Variants in ITGA9 observed in about 807,000 individuals in gnomAD.
ITGA9 encodes the protein integrin subunit alpha 9, also known as integrin alpha-9.
Under a neutral mutation model 127.8 loss-of-function variants are expected in ITGA9, and 56 were observed. That is an observed-to-expected ratio of 0.44 (90% CI 0.35 to 0.55). The LOEUF (loss-of-function observed/expected upper bound fraction) is 0.55. ITGA9 is among the 20% of genes least tolerant of loss of function. The probability of loss-of-function intolerance (pLI) is 0.00; values close to 1 mark genes in which losing one functional copy is unlikely to be tolerated. For synonymous variants in ITGA9, 508 were observed against 514.5 expected, an observed-to-expected ratio of 0.99 and a Z score of 0.17; for missense variants, 1,196 against 1,347.1, an observed-to-expected ratio of 0.89 and a Z score of 1.76.
chr3:37,684,755 C>T (rs1258039573), intron 18 of ITGA9, among the ~76,000 whole-genome samples: 1 of 152,232 alleles, frequency 6.6e-6, no homozygotes, highest in Non-Finnish European at 1.5e-5. Context: ...AGGTGTGACC[C>T]ACCGCCCCTG....
At chr3:37,511,671 C>G (rs530112) in intron 8 of ITGA9, among the ~76,000 whole-genome samples, 4 of 152,014 alleles carry the variant, frequency 2.6e-5, no homozygotes, top group African/African-American at 9.7e-5. Context: ...TCCTCACCCT[C>G]TGTGATTTCA....
In ITGA9 at chr3:37,513,770, C is replaced by T; in HGVS notation, c.905C>T (p.Ser302Phe). The change falls in exon 9 of 28, where the codon TCT becomes TTT. Residue 302 changes from serine (S) to phenylalanine (F), a missense_variant. Coordinates refer to ENST00000264741, the MANE Select transcript of ITGA9 (RefSeq NM_002207.3). ...AACTCAACTTGGTTGCAGATGGGCTCTTACTTCGGCTCCTCCTTGTGCGCA... is the reference window on the plus strand; with the variant it reads ...AACTCAACTTGGTTGCAGATGGGCTTTTACTTCGGCTCCTCCTTGTGCGCA... ...IFQASGKKMG[S>F]YFGSSLCAVD... 1.2e-6 allele frequency: 2 copies of T among 1,614,098 alleles called. No individual in the cohort carries two copies. The highest frequency in any genetic ancestry group is 1.7e-6 in the Non-Finnish European group (2 of 1,180,024).
intron 19 of ITGA9, among the ~76,000 whole-genome samples, chr3:37,734,771 C>T (rs545693902): frequency 4.7e-4 from 71 of 152,298 alleles, no homozygotes; most frequent in African/African-American, 1.6e-3. Context: ...GGATTACAGG[C>T]GTGAGCCACC....
intron 8 of ITGA9, among the ~76,000 whole-genome samples, chr3:37,512,363 G>A (rs1020174230): frequency 6.6e-6 from 1 of 151,204 alleles, no homozygotes; most frequent in Admixed American, 6.6e-5. Context: ...GGGATTACAG[G>A]TGCCTGCCAC....
intron 15 of ITGA9, among the ~76,000 whole-genome samples, chr3:37,549,680 T>A (rs890241776): frequency 6.6e-6 from 1 of 152,224 alleles, no homozygotes; most frequent in African/African-American, 2.4e-5. Context: ...CCTCAAACCT[T>A]GAACTTAGAT....
chr3:37,743,554 A>G (rs1696463801), intron 21 of ITGA9, among the ~76,000 whole-genome samples: 1 of 152,210 alleles, frequency 6.6e-6, no homozygotes, highest in African/African-American at 2.4e-5. Flanking sequence ...TAACTCATTT[A>G]TATTTATTTT....
intron 3 of ITGA9, among the ~76,000 whole-genome samples, chr3:37,476,395 T>G (rs1046964565): frequency 5.9e-5 from 9 of 152,070 alleles, no homozygotes; most frequent in African/African-American, 2.2e-4. Context: ...CTAATGGGTG[T>G]GAGATAATAT....
chr3:37,595,406 C>T (rs943824346), intron 15 of ITGA9, among the ~76,000 whole-genome samples: 1 of 152,126 alleles, frequency 6.6e-6, no homozygotes, highest in Non-Finnish European at 1.5e-5. Context: ...GATGGGAGTC[C>T]GAAAGCTACA....
At chr3:37,780,516 C>T (rs1696963870) in intron 25 of ITGA9, among the ~76,000 whole-genome samples, 1 of 79,616 alleles carries the variant, frequency 1.3e-5, no homozygotes, top group African/African-American at 5.3e-5. Context: ...AGTAATATTC[C>T]ATGGTGTGTG....
At chr3:37,636,022 A>G (rs1700274937) in intron 16 of ITGA9, among the ~76,000 whole-genome samples, 1 of 151,844 alleles carries the variant, frequency 6.6e-6, no homozygotes, top group African/African-American at 2.4e-5. Context: ...TTCTTAATCC[A>G]GTCTATCGTT....
intron 15 of ITGA9, among the ~76,000 whole-genome samples, chr3:37,575,232 T>C (rs544923146): frequency 6.6e-6 from 1 of 152,156 alleles, no homozygotes; most frequent in African/African-American, 2.4e-5. Context: ...TGTTTGCTGG[T>C]TTGGGGGCTG....
At chr3:37,608,470 C>G (rs1575165452) in intron 15 of ITGA9, among the ~76,000 whole-genome samples, 1 of 152,168 alleles carries the variant, frequency 6.6e-6, no homozygotes, top group African/African-American at 2.4e-5. Flanking sequence ...TTTTCATCAT[C>G]TTTGGTTGTA....
At chr3:37,518,705 G>GAGC (rs1699012018) in intron 10 of ITGA9, among the ~76,000 whole-genome samples, 1 of 149,842 alleles carries the variant, frequency 6.7e-6, no homozygotes, top group East Asian at 1.9e-4. Context: ...TTTTTCTTAC[G>GAGC]AGCATAAGGT....
chr3:37,721,218 C>A (rs1475948260), intron 18 of ITGA9, among the ~76,000 whole-genome samples: 1 of 149,606 alleles, frequency 6.7e-6, no homozygotes, highest in Non-Finnish European at 1.5e-5. Flanking sequence ...AATTCCTGGG[C>A]CTGTGATCTT....
At chr3:37,784,643 CT>C (rs1219026482) in intron 25 of ITGA9, among the ~76,000 whole-genome samples, 1 of 152,188 alleles carries the variant, frequency 6.6e-6, no homozygotes, top group Non-Finnish European at 1.5e-5. Context: ...AATTAAACAG[CT>C]TTATTTATCC....
chr3:37,703,258 C>G (rs1700966928), intron 18 of ITGA9, among the ~76,000 whole-genome samples: 1 of 152,128 alleles, frequency 6.6e-6, no homozygotes, highest in South Asian at 2.1e-4. Flanking sequence ...TTTGGATTCT[C>G]TTATCTGTGC....
intron 23 of ITGA9, among the ~76,000 whole-genome samples, chr3:37,759,025 C>T (rs1179287963): frequency 6.6e-6 from 1 of 151,588 alleles, no homozygotes; most frequent in African/African-American, 2.4e-5. Flanking sequence ...CCTACAAAAC[C>T]AGGCTTAAAA....
intron 15 of ITGA9, among the ~76,000 whole-genome samples, chr3:37,567,344 C>G (rs1325443143): frequency 1.3e-5 from 2 of 152,190 alleles, no homozygotes; most frequent in Non-Finnish European, 2.9e-5. Flanking sequence ...CCCACTGGGT[C>G]CCTCCCATGA....
At chr3:37,605,813 AG>A (rs1217935021) in intron 15 of ITGA9, among the ~76,000 whole-genome samples, 1 of 152,198 alleles carries the variant, frequency 6.6e-6, no homozygotes, top group Non-Finnish European at 1.5e-5. Flanking sequence ...TGTCTCTCTA[AG>A]GGAGGGCGGC....
Sources: gnomAD v4.1 joint callset for allele counts (sites outside exome capture counted in the v4.1 genomes callset) on GRCh38, gnomAD v4.1.1 for gene constraint, MANE v1.5 for transcripts, NCBI Gene and HGNC (gene_info 2026-07-23, HGNC 2026-07-21) for gene names.